The following ENOX2 variants were observed in gnomAD, a reference collection of about 807,000 sequenced individuals.
ENOX2 encodes APK1 antigen.
Under a neutral mutation model 45.0 loss-of-function variants are expected in ENOX2, and 36 were observed. The observed-to-expected ratio is 0.80, with a 90% CI of 0.61 to 1.06. The LOEUF is 1.06. Ranked by LOEUF, ENOX2 falls within the 50% of genes least tolerant of loss-of-function variation. ENOX2 has a pLI of 0.00. For synonymous variants in ENOX2, 174 were observed against 152.3 expected (o/e 1.14, Z -1.05); for missense variants, 423 against 462.5 (o/e 0.91, Z 0.78).
At chrX:130,633,073 G>A (rs941012663) in intron 12 of ENOX2, among the ~76,000 whole-genome samples, 1 of 111,475 alleles carries the variant, frequency 9.0e-6, no homozygotes, top group Non-Finnish European at 1.9e-5. Context: ...TATTATAGCT[G>A]GCATTTAAAA....
chrX:130,770,854 G>A (rs937111922), intron 3 of ENOX2, among the ~76,000 whole-genome samples: 2 of 112,089 alleles, frequency 1.8e-5, no homozygotes, highest in African/African-American at 6.5e-5. Flanking sequence ...TCATCAAAAT[G>A]TACAAGGCCC....
chrX:130,691,136 T>C (rs1407766865), intron 4 of ENOX2, among the ~76,000 whole-genome samples: 1 of 104,726 alleles, frequency 9.5e-6, no homozygotes, highest in Non-Finnish European at 1.9e-5. Flanking sequence ...TTGAAGAAAG[T>C]TTCTTAATAT....
intron 2 of ENOX2, among the ~76,000 whole-genome samples, chrX:130,813,650 C>G (rs1277633994): frequency 1.8e-5 from 2 of 111,614 alleles, no homozygotes; most frequent in Admixed American, 9.4e-5. Flanking sequence ...CTCAAGGGGT[C>G]AGGGAACCCC....
At chrX:130,675,663 T>G (rs774669343) in intron 6 of ENOX2, among the ~76,000 whole-genome samples, 1 of 111,602 alleles carries the variant, frequency 9.0e-6, no homozygotes, top group East Asian at 2.8e-4. Flanking sequence ...TCCATTTATG[T>G]AAAGTTCTAG....
chrX:130,873,046 G>T (rs181125940), intron 2 of ENOX2, among the ~76,000 whole-genome samples: 2 of 112,054 alleles, frequency 1.8e-5, no homozygotes, highest in Admixed American at 1.9e-4. Context: ...ATTGACAAAT[G>T]GGATCTAATA....
chrX:130,711,387 G>A (rs1170411296), intron 3 of ENOX2, among the ~76,000 whole-genome samples: 1 of 111,228 alleles, frequency 9.0e-6, no homozygotes, highest in Non-Finnish European at 1.9e-5. Context: ...TTGCATCACG[G>A]TGATGCAGGT....
At chrX:130,901,994 T>C (rs1262321241) in intron 1 of ENOX2, among the ~76,000 whole-genome samples, 1 of 111,187 alleles carries the variant, frequency 9.0e-6, no homozygotes, top group Non-Finnish European at 1.9e-5. Flanking sequence ...TCCCTCCTCT[T>C]TGACAACTTC....
At chrX:130,798,668 A>G (rs776504965) in intron 2 of ENOX2, among the ~76,000 whole-genome samples, 1 of 112,623 alleles carries the variant, frequency 8.9e-6, no homozygotes, top group African/African-American at 3.2e-5. Flanking sequence ...GAAGAACCAG[A>G]TAAAATACTT....
chrX:130,821,737 T>TA (rs2077607558), intron 2 of ENOX2, among the ~76,000 whole-genome samples: 1 of 16,208 alleles, frequency 6.2e-5, no homozygotes, highest in Non-Finnish European at 1.2e-4. Flanking sequence ...AATAAATAAA[T>TA]AAATTAAAAA....
At chrX:130,689,762 AT>A (rs969968811) in intron 4 of ENOX2, among the ~76,000 whole-genome samples, 37 of 108,271 alleles carry the variant, frequency 3.4e-4, no homozygotes, top group African/African-American at 9.8e-4. Flanking sequence ...GTTACCACTG[AT>A]TTTTTTTTTA....
At chrX:130,806,100 A>G (rs1352013400) in intron 2 of ENOX2, among the ~76,000 whole-genome samples, 1 of 111,912 alleles carries the variant, frequency 8.9e-6, no homozygotes, top group African/African-American at 3.2e-5. Flanking sequence ...AAAGGATGCT[A>G]TGAATCACAG....
At chrX:130,731,745 T>A (rs1196992756) in intron 3 of ENOX2, among the ~76,000 whole-genome samples, 3 of 111,883 alleles carry the variant, frequency 2.7e-5, no homozygotes, top group Non-Finnish European at 5.6e-5. Context: ...AGAATAAGAA[T>A]AAAAATCACA....
Position 130,823,898 on chromosome X carries a change from T to C in ENOX2, c.-182-40208A>G, listed in dbSNP as rs909832566. Among the ~76,000 whole-genome samples the C allele has an allele frequency of 2.7e-5, 3 of 112,109 alleles. No homozygotes were observed. In the South Asian group the frequency reaches 1.1e-3, roughly 42 times the overall value. The stretch of plus-strand genomic sequence containing the variant: ...TGTACGAAAAGCCCTCCAAGAGATA[T>C]TAGTAGAATTCCTTAAAAAATCTGC... On this transcript the variant is annotated intron_variant, in intron 2 of 14. Coordinates refer to ENST00000394363, the MANE Select transcript of ENOX2 (RefSeq NM_006375.4).
chrX:130,778,104 G>A (rs936422567), intron 3 of ENOX2, among the ~76,000 whole-genome samples: 1 of 111,673 alleles, frequency 9.0e-6, no homozygotes, highest in African/African-American at 3.3e-5. Context: ...AAGTACACAT[G>A]AAATAAAAAG....
chrX:130,722,257 G>A (rs989231464), intron 3 of ENOX2, among the ~76,000 whole-genome samples: 7 of 111,912 alleles, frequency 6.3e-5, no homozygotes, highest in Non-Finnish European at 1.3e-4. Flanking sequence ...GCCAAACTTC[G>A]GTGATAGGCC....
At chrX:130,681,907 T>C (rs2037311836) in intron 5 of ENOX2, among the ~76,000 whole-genome samples, 1 of 110,912 alleles carries the variant, frequency 9.0e-6, no homozygotes, top group African/African-American at 3.3e-5. Context: ...TTCCAGATCT[T>C]AGTGTCACAC....
At chrX:130,836,720 T>C in intron 2 of ENOX2, among the ~76,000 whole-genome samples, 1 of 111,853 alleles carries the variant, frequency 8.9e-6, no homozygotes, top group Admixed American at 9.5e-5. Flanking sequence ...AGGTTACTGA[T>C]AGTGTCTTCT....
At chrX:130,641,134 C>T (rs2036069489) in intron 10 of ENOX2, among the ~76,000 whole-genome samples, 1 of 111,347 alleles carries the variant, frequency 9.0e-6, no homozygotes, top group South Asian at 3.8e-4. Flanking sequence ...GAACACGAGA[C>T]AGGATAAATG....
intron 12 of ENOX2, 111 bp from the exon 13 acceptor site, chrX:130,631,687 C>G (rs1015827585): frequency 1.9e-5 from 8 of 417,976 alleles, no homozygotes; most frequent in Non-Finnish European, 3.0e-5. Context: ...CAATACCATT[C>G]AATTTGGATT....
Sources: allele counts gnomAD v4.1 joint callset (sites outside exome capture counted in the v4.1 genomes callset), GRCh38; gene constraint gnomAD v4.1.1; transcripts MANE v1.5; gene names NCBI Gene and HGNC (gene_info 2026-07-23, HGNC 2026-07-21).